The following RBFOX1 variants were observed in gnomAD, a reference collection of about 807,000 sequenced individuals.
RBFOX1 encodes the protein RNA binding fox-1 homolog 1.
A neutral mutation model predicts 57.7 loss-of-function variants in RBFOX1; 8 were observed. That is an observed-to-expected ratio of 0.14 (90% CI 0.08 to 0.25). The LOEUF (loss-of-function observed/expected upper bound fraction) is 0.25, where lower values mean the gene tolerates loss of function less well. RBFOX1 is among the 10% of genes least tolerant of loss of function. RBFOX1 has a pLI of 1.00. For synonymous variants in RBFOX1, 326 were observed against 222.4 expected, an observed-to-expected ratio of 1.47 and a Z score of -4.15; for missense variants, 611 against 548.5, an observed-to-expected ratio of 1.11 and a Z score of -1.14.
At chr16:7,257,847 C>T (rs1001139011) in intron 4 of RBFOX1, among the ~76,000 whole-genome samples, 1 of 152,198 alleles carries the variant, frequency 6.6e-6, no homozygotes, top group African/African-American at 2.4e-5. Flanking sequence ...AATTGGAAGT[C>T]CTTGCATTCT....
chr16:6,765,660 A>T (rs899023493), intron 3 of RBFOX1, among the ~76,000 whole-genome samples: 2 of 152,158 alleles, frequency 1.3e-5, no homozygotes, highest in African/African-American at 4.8e-5. Context: ...CTGGGTCTCT[A>T]CCCAGAGGAA....
intron 1 of RBFOX1, among the ~76,000 whole-genome samples, chr16:6,115,450 G>A (rs556495539): frequency 6.6e-6 from 1 of 152,312 alleles, no homozygotes; most frequent in East Asian, 1.9e-4. Flanking sequence ...TAGTGAGGAT[G>A]TCTTAACAGA....
intron 4 of RBFOX1, among the ~76,000 whole-genome samples, chr16:7,495,823 A>G (rs1439875829): frequency 6.6e-6 from 1 of 152,270 alleles, no homozygotes; most frequent in Admixed American, 6.5e-5. Flanking sequence ...TCATGTAAGC[A>G]AACATCACCT....
chr16:7,298,149 A>T (rs952395600), intron 4 of RBFOX1, among the ~76,000 whole-genome samples: 1 of 152,138 alleles, frequency 6.6e-6, no homozygotes, highest in Non-Finnish European at 1.5e-5. Context: ...GGTGCATTGC[A>T]TGCATGTCCT....
chr16:7,024,057 C>T (rs571940736), intron 3 of RBFOX1, among the ~76,000 whole-genome samples: 2 of 152,080 alleles, frequency 1.3e-5, no homozygotes, highest in African/African-American at 2.4e-5. Context: ...GGTCATAAAA[C>T]CAGGGATTTC....
intron 1 of RBFOX1, among the ~76,000 whole-genome samples, chr16:5,258,577 C>G (rs1433037098): frequency 3.3e-5 from 5 of 152,088 alleles, no homozygotes; most frequent in Non-Finnish European, 5.9e-5. Context: ...GACAGAGATT[C>G]CATATTAGCC....
At chr16:7,674,172 G>A (rs1240452369) in intron 13 of RBFOX1, among the ~76,000 whole-genome samples, 1 of 152,102 alleles carries the variant, frequency 6.6e-6, no homozygotes, top group Non-Finnish European at 1.5e-5. Context: ...AAGAAAAATA[G>A]CAAAGGAAGA....
chr16:6,636,150 G>T (rs1015155243), intron 2 of RBFOX1, among the ~76,000 whole-genome samples: 24 of 152,114 alleles, frequency 1.6e-4, no homozygotes, highest in Admixed American at 1.3e-3. Context: ...AGACAGTTTT[G>T]GATTTGGGGG....
At chr16:5,591,016 ATT>A (rs79854783) in intron 2 of RBFOX1, among the ~76,000 whole-genome samples, 21 of 141,062 alleles carry the variant, frequency 1.5e-4, no homozygotes, top group Non-Finnish European at 1.9e-4. Context: ...TGAGCTAAAC[ATT>A]TTTTTTTTTT....
intron 1 of RBFOX1, among the ~76,000 whole-genome samples, chr16:5,395,052 G>T (rs984473801): frequency 1.3e-5 from 2 of 152,206 alleles, no homozygotes; most frequent in Admixed American, 6.5e-5. Context: ...ACACCCTTCA[G>T]AATCTCTTCC....
chr16:7,624,414 G>C (rs2059766921), intron 10 of RBFOX1, among the ~76,000 whole-genome samples: 1 of 152,176 alleles, frequency 6.6e-6, no homozygotes, highest in Non-Finnish European at 1.5e-5. Context: ...GGTTTGGTTT[G>C]ATATTCAGAA....
At chr16:5,852,641 A>AG (rs1363742520) in intron 3 of RBFOX1, among the ~76,000 whole-genome samples, 3 of 151,946 alleles carry the variant, frequency 2.0e-5, no homozygotes, top group African/African-American at 7.3e-5. Flanking sequence ...CTAGGGGTGG[A>AG]GGGGGGTGAT....
At chr16:5,455,151 A>G (rs2068592018) in intron 1 of RBFOX1, among the ~76,000 whole-genome samples, 1 of 151,390 alleles carries the variant, frequency 6.6e-6, no homozygotes, top group Non-Finnish European at 1.5e-5. Context: ...AATCAGAATG[A>G]CTTGACTCTA....
intron 4 of RBFOX1, among the ~76,000 whole-genome samples, chr16:7,247,391 G>A (rs539147998): frequency 1.3e-4 from 20 of 152,256 alleles, no homozygotes; most frequent in Admixed American, 8.5e-4. Flanking sequence ...AGGTGGAGAA[G>A]GAGCAAATAC....
chr16:6,427,726 A>G (rs149791191), intron 2 of RBFOX1, among the ~76,000 whole-genome samples: 21 of 152,178 alleles, frequency 1.4e-4, no homozygotes, highest in African/African-American at 5.1e-4. Context: ...GATATGATTT[A>G]TAATGATTTA....
intron 3 of RBFOX1, among the ~76,000 whole-genome samples, chr16:6,928,705 T>C (rs920308474): frequency 3.3e-5 from 5 of 152,114 alleles, no homozygotes; most frequent in Admixed American, 3.3e-4. Flanking sequence ...GAGTGGTAAG[T>C]AAAAGATTAA....
At chr16:6,948,980 G>C (rs917434061) in intron 3 of RBFOX1, among the ~76,000 whole-genome samples, 2 of 152,148 alleles carry the variant, frequency 1.3e-5, no homozygotes, top group Admixed American at 6.5e-5. Context: ...GGGATAGTTT[G>C]AGACAGTTTC....
intron 14 of RBFOX1, among the ~76,000 whole-genome samples, chr16:7,687,676 G>C (rs2076352031): frequency 6.6e-6 from 1 of 151,914 alleles, no homozygotes; most frequent in Admixed American, 6.6e-5. Flanking sequence ...TGTAAAAAAG[G>C]AAGCAACCTG....
At chr16:7,278,614 C>G (rs964209830) in intron 4 of RBFOX1, among the ~76,000 whole-genome samples, 1 of 152,164 alleles carries the variant, frequency 6.6e-6, no homozygotes, top group East Asian at 1.9e-4. Context: ...CTTTCCTATC[C>G]TACATTCTCT....
Sources: gnomAD v4.1 joint callset for allele counts (sites outside exome capture counted in the v4.1 genomes callset) on GRCh38, gnomAD v4.1.1 for gene constraint, MANE v1.5 for transcripts, NCBI Gene and HGNC (gene_info 2026-07-23, HGNC 2026-07-21) for gene names.